RBM5: variants seen among roughly 807,000 people sequenced by gnomAD.
RBM5 encodes RNA binding motif protein 5, also known as RNA-binding protein 5.
RBM5 carries 15 observed loss-of-function variants against 124.6 expected under a neutral mutation model. The observed-to-expected ratio is 0.12, with a 90% CI of 0.08 to 0.19. RBM5 has a LOEUF of 0.19. RBM5 is among the 10% of genes least tolerant of loss of function. The probability of loss-of-function intolerance (pLI) is 1.00; values close to 1 mark genes in which losing one functional copy is unlikely to be tolerated. For synonymous variants in RBM5, 337 were observed against 361.2 expected (o/e 0.93, Z 0.76); for missense variants, 580 against 1,026.5 (o/e 0.57, Z 5.94).
intron 6 of RBM5, 195 bp from the exon 7 acceptor site, chr3:50,102,888 C>G: frequency 3.5e-6 from 2 of 570,314 alleles, no homozygotes; most frequent in Non-Finnish European, 6.2e-6. Context: ...CTCCGTTTAC[C>G]TTTACTCCGC....
intron 4 of RBM5, among the ~76,000 whole-genome samples, chr3:50,096,078 C>T (rs1453190492): frequency 6.6e-6 from 1 of 152,144 alleles, no homozygotes; most frequent in Non-Finnish European, 1.5e-5. Flanking sequence ...ATCCACTGCA[C>T]ATCTGCTACA....
intron 22 of RBM5, chr3:50,116,290 A>G (rs999862834): frequency 6.6e-6 from 2 of 305,222 alleles, no homozygotes; most frequent in Non-Finnish European, 1.2e-5. Flanking sequence ...TGGCCTGGCC[A>G]GGGAAGCCTT....
intron 4 of RBM5, among the ~76,000 whole-genome samples, chr3:50,098,453 A>T (rs867182234): frequency 2.4e-4 from 36 of 148,398 alleles, no homozygotes; most frequent in Non-Finnish European, 4.8e-4. Context: ...TTATTTTATT[A>T]TTTTTTTTTG....
At chr3:50,103,877 G>C (rs1406238578) in intron 7 of RBM5, among the ~76,000 whole-genome samples, 2 of 152,178 alleles carry the variant, frequency 1.3e-5, no homozygotes, top group African/African-American at 2.4e-5. Context: ...TGTGTCCCCT[G>C]TCCAGTAGGG....
At chr3:50,111,720 C>T (rs970876472) in intron 17 of RBM5, among the ~76,000 whole-genome samples, 1 of 152,128 alleles carries the variant, frequency 6.6e-6, no homozygotes, top group African/African-American at 2.4e-5. Context: ...AATAGATTAC[C>T]TTTTGTGTCC....
chr3:50,114,293 T>C (rs1305582944), intron 20 of RBM5, 42 bp downstream of exon 20: 1 of 1,562,118 alleles, frequency 6.4e-7, no homozygotes, highest in Non-Finnish European at 8.7e-7. Flanking sequence ...CTATCTGTGG[T>C]TTGTGTCTCA....
chr3:50,098,508 T>C (rs1485236953), intron 4 of RBM5, among the ~76,000 whole-genome samples: 1 of 152,022 alleles, frequency 6.6e-6, no homozygotes, highest in Non-Finnish European at 1.5e-5. Flanking sequence ...AGTGGCGCGA[T>C]CTCGGCTCAC....
intron 7 of RBM5, 83 bp downstream of exon 7, chr3:50,103,249 C>A: frequency 1.8e-6 from 2 of 1,141,088 alleles, no homozygotes; most frequent in Non-Finnish European, 2.6e-6. Context: ...ACTGTCCAAA[C>A]AAGGAAATTG....
intron 2 of RBM5, among the ~76,000 whole-genome samples, chr3:50,090,883 A>G (rs1399742666): frequency 6.6e-6 from 1 of 152,232 alleles, no homozygotes; most frequent in Non-Finnish European, 1.5e-5. Flanking sequence ...TAAGCAATCA[A>G]TGAATGCCAT....
At position 50,117,509 on chromosome 3, in the gene RBM5, A is replaced by C; in HGVS notation, c.2322+130A>C. The stretch of plus-strand genomic sequence containing the variant: ...TAGCATGAAGGGGCAGATTACAGGC[A>C]TGAGCTCACACCTGTAATCCCAGCA... On this transcript the variant is annotated intron_variant, in intron 24 of 24. Coordinates refer to ENST00000347869, the MANE Select transcript of RBM5 (RefSeq NM_005778.4). The surrounding 1 kb of genome is among the most constrained non-coding windows in gnomAD (Gnocchi z 4.2). 1 of 1,283,890 alleles carries C rather than the reference A, an allele frequency of 7.8e-7. No homozygotes were observed. Among genetic ancestry groups the C allele is most frequent in the South Asian group, 1.4e-5 (1 of 71,974 alleles). 79.5% of individuals were successfully genotyped at this position (1,283,890 alleles called of 1,614,324 possible). A position where few individuals can be genotyped will look rare whatever the true frequency, so the allele number is the denominator to read the frequency against.
intron 17 of RBM5, chr3:50,112,060 C>CTTTTT (rs78447913): frequency 2.8e-5 from 3 of 107,780 alleles, no homozygotes; most frequent in East Asian, 2.7e-4. Context: ...CCTGTCAGTT[C>CTTTTT]TTTTTTTTTT....
chr3:50,093,792 G>A lies in RBM5; in HGVS notation c.256G>A (p.Asp86Asn), dbSNP rs1057063084. The A allele has an allele frequency of 3.1e-6, 5 of 1,613,956 alleles. No individual in the cohort carries two copies. The highest frequency in any genetic ancestry group is 1.7e-5 in the Admixed American group (1 of 60,006). Residue 86 changes from aspartate (D) to asparagine (N), a missense_variant, in exon 4 of 25, where the codon GAC (aspartate) becomes AAC (asparagine). By Grantham distance (23) the Asp-to-Asn change is conservative (BLOSUM62 1). Transcript: ENST00000347869. ...YHSDGDYGEH[D>N]YRHDISDERE... ...TTCAGATGGTGACTATGGTGAGCAC[G>A]ACTATAGGCATGACATCAGTGACGA...
intron 4 of RBM5, among the ~76,000 whole-genome samples, chr3:50,096,532 C>T (rs541058717): frequency 6.6e-6 from 1 of 151,946 alleles, no homozygotes; most frequent in Non-Finnish European, 1.5e-5. Context: ...AAGAGGTCTG[C>T]CTAAGAGCTC....
intron 4 of RBM5, 49 bp downstream of exon 4, chr3:50,093,924 TTTGAGCTTCTACCA>T: frequency 6.4e-7 from 1 of 1,555,966 alleles, no homozygotes; most frequent in Non-Finnish European, 8.8e-7. Flanking sequence ...CACAATGAAC[TTTGAGCTTCTACCA>T]TTATTTTCTC....
chr3:50,100,688 G>C lies in RBM5; in HGVS notation c.483+83G>C. ...TAAAAAAAGGTTGAAGGAGTGGTTT[G>C]TTCCAAAGGAGTGACTTTTTTTTAA... On this transcript the variant is annotated intron_variant, in intron 6 of 24. Coordinates refer to ENST00000347869, the MANE Select transcript of RBM5 (RefSeq NM_005778.4). This position sits in a 1 kb window ranked among gnomAD's most constrained non-coding sequence, Gnocchi z 5.1. The C allele has an allele frequency of 8.8e-7, 1 of 1,141,684 alleles. No homozygotes were observed. The highest frequency in any genetic ancestry group is 1.3e-6 in the Non-Finnish European group (1 of 798,094). The allele number at this position is 1,141,684 out of a possible 1,614,324, so 70.7% of individuals were successfully genotyped here. A position where few individuals can be genotyped will look rare whatever the true frequency, so the allele number is the denominator to read the frequency against.
chr3:50,106,610 A>G (rs1321825486), intron 10 of RBM5, 157 bp from the exon 11 acceptor site: 2 of 602,952 alleles, frequency 3.3e-6, no homozygotes, highest in Non-Finnish European at 5.8e-6. Flanking sequence ...TAGAGGAAAG[A>G]GAGATATTCC....
At chr3:50,098,330 G>C (rs1007016645) in intron 4 of RBM5, among the ~76,000 whole-genome samples, 1 of 152,082 alleles carries the variant, frequency 6.6e-6, no homozygotes, top group Non-Finnish European at 1.5e-5. Context: ...GAGTGCAGTG[G>C]TGCAATAGCC....
rs1185059962 is a variant in RBM5, at chr3:50,100,825, T to A, written c.483+220T>A. The A allele has an allele frequency of 2.2e-6, 1 of 450,460 alleles. No homozygotes were observed. The highest frequency in any genetic ancestry group is 4.0e-6 in the Non-Finnish European group (1 of 252,684). 27.9% of individuals were successfully genotyped at this position (450,460 alleles called of 1,614,324 possible). The stretch of plus-strand genomic sequence containing the variant: ...AACATGGCTACCTACCTGGCAGGGC[T>A]TTGTTAACTACTGAATACCTGTCTG... On this transcript the variant is annotated intron_variant, in intron 6 of 24. Transcript: ENST00000347869. This position sits in a 1 kb window ranked among gnomAD's most constrained non-coding sequence, Gnocchi z 5.1.
At chr3:50,116,160 A>G (rs550860058) in intron 22 of RBM5, 180 bp downstream of exon 22, 4 of 599,950 alleles carry the variant, frequency 6.7e-6, no homozygotes, top group Non-Finnish European at 1.2e-5. Context: ...TGAGCCTCAC[A>G]TTGTCCCTTC....
Sources: gnomAD v4.1 joint callset for allele counts (sites outside exome capture counted in the v4.1 genomes callset) on GRCh38, gnomAD v4.1.1 for gene constraint, Gnocchi (gnomAD v3.1) non-coding constraint, MANE v1.5 for transcripts, NCBI Gene and HGNC (gene_info 2026-07-23, HGNC 2026-07-21) for gene names.